The following SLC14A2 variants were observed in gnomAD, a reference collection of about 807,000 sequenced individuals.
The protein encoded by SLC14A2 is solute carrier family 14 member 2, also known as urea transporter 2.
A neutral mutation model predicts 104.6 loss-of-function variants in SLC14A2; 91 were observed. That is an observed-to-expected ratio of 0.87 (90% confidence interval 0.73 to 1.04). SLC14A2 has a LOEUF of 1.04. SLC14A2 is among the 50% of genes least tolerant of loss of function. SLC14A2 has a pLI of 0.00. For missense variants in SLC14A2, 1,189 were observed against 1,156.0 expected (o/e 1.03, Z -0.41); for synonymous variants, 476 against 466.4 (o/e 1.02, Z -0.27).
At chr18:45,299,447 G>GTTTTGT (rs765193369) in intron 1 of SLC14A2, among the ~76,000 whole-genome samples, 1 of 152,014 alleles carries the variant, frequency 6.6e-6, no homozygotes, top group African/African-American at 2.4e-5. Flanking sequence ...CTCTTTATCG[G>GTTTTGT]TTTTGTTTTT....
intron 1 of SLC14A2, among the ~76,000 whole-genome samples, chr18:45,476,529 C>T (rs2087383703): frequency 6.6e-6 from 1 of 152,106 alleles, no homozygotes; most frequent in Non-Finnish European, 1.5e-5. Context: ...GTTGGCCTGC[C>T]TTGCGAGGCT....
chr18:45,207,147 G>C, the SLC14A2 span, among the ~76,000 whole-genome samples: 1 of 152,236 alleles, frequency 6.6e-6, no homozygotes, highest in South Asian at 2.1e-4. Flanking sequence ...GTGAGGCTTT[G>C]CAAGCATTTT....
chr18:45,453,117 A>G (rs2852311), intron 1 of SLC14A2, among the ~76,000 whole-genome samples: 130,345 of 152,168 alleles, frequency 0.86, 55,882 homozygotes, highest in South Asian at 0.93. Flanking sequence ...CCTTGAGGAT[A>G]TCTTCTGCTT....
the SLC14A2 span, among the ~76,000 whole-genome samples, chr18:45,194,639 T>C: frequency 1.6e-5 from 2 of 124,950 alleles, no homozygotes; most frequent in Non-Finnish European, 3.3e-5. Context: ...GATATTGGTC[T>C]GTAATTTTTT....
chr18:45,336,618 C>T (rs971967137), intron 1 of SLC14A2, among the ~76,000 whole-genome samples: 5 of 152,154 alleles, frequency 3.3e-5, no homozygotes, highest in African/African-American at 1.2e-4. Context: ...AGGAAGAGTA[C>T]ATTCATAGAT....
intron 1 of SLC14A2, among the ~76,000 whole-genome samples, chr18:45,407,467 G>A (rs2086167598): frequency 6.6e-6 from 1 of 152,144 alleles, no homozygotes; most frequent in Non-Finnish European, 1.5e-5. Flanking sequence ...TCAGCAATAA[G>A]AATGTTTTGC....
chr18:45,255,654 C>T (rs1017665276), intron 1 of SLC14A2, among the ~76,000 whole-genome samples: 1 of 152,214 alleles, frequency 6.6e-6, no homozygotes. Context: ...TCCACAGTGG[C>T]ATGTGCTAGG....
chr18:45,641,842 A>T (rs935931503), intron 8 of SLC14A2, among the ~76,000 whole-genome samples: 1 of 152,236 alleles, frequency 6.6e-6, no homozygotes, highest in African/African-American at 2.4e-5. Context: ...TAAAAATCAT[A>T]ACCACATTAT....
chr18:45,301,476 G>C (rs1294774786), intron 1 of SLC14A2, among the ~76,000 whole-genome samples: 1 of 152,166 alleles, frequency 6.6e-6, no homozygotes, highest in Non-Finnish European at 1.5e-5. Flanking sequence ...ACAGAACCAT[G>C]TCAGGCCTGT....
At chr18:45,604,020 T>C (rs552076057) in intron 2 of SLC14A2, among the ~76,000 whole-genome samples, 1 of 152,360 alleles carries the variant, frequency 6.6e-6, no homozygotes, top group African/African-American at 2.4e-5. Context: ...AAATTTTCCA[T>C]TGGTCAGATT....
At chr18:45,353,521 A>G (rs1457510287) in intron 1 of SLC14A2, among the ~76,000 whole-genome samples, 1 of 152,236 alleles carries the variant, frequency 6.6e-6, no homozygotes, top group African/African-American at 2.4e-5. Flanking sequence ...GGTATAGCAC[A>G]GTTCTCCTGA....
At chr18:45,678,106 G>A (rs997154135) in intron 18 of SLC14A2, among the ~76,000 whole-genome samples, 12 of 151,982 alleles carry the variant, frequency 7.9e-5, no homozygotes, top group African/African-American at 2.2e-4. Flanking sequence ...GACGTGAGCC[G>A]CCACTCCCAG....
intron 4 of SLC14A2, among the ~76,000 whole-genome samples, chr18:45,628,832 A>G (rs2045302153): frequency 6.6e-6 from 1 of 152,224 alleles, no homozygotes; most frequent in African/African-American, 2.4e-5. Flanking sequence ...GTCATAATAT[A>G]AAATGCATTT....
chr18:45,175,927 C>G, the SLC14A2 span, among the ~76,000 whole-genome samples: 2 of 152,108 alleles, frequency 1.3e-5, no homozygotes, highest in Non-Finnish European at 2.9e-5. Flanking sequence ...AGTATCTGGT[C>G]AAATAAATAA....
intron 1 of SLC14A2, among the ~76,000 whole-genome samples, chr18:45,329,141 G>C (rs1172051436): frequency 6.6e-6 from 1 of 152,198 alleles, no homozygotes; most frequent in Admixed American, 6.5e-5. Flanking sequence ...TGTTTATTTT[G>C]TTACGGTTAT....
intron 1 of SLC14A2, among the ~76,000 whole-genome samples, chr18:45,375,858 C>T (rs1255893772): frequency 1.3e-5 from 2 of 152,182 alleles, no homozygotes; most frequent in Admixed American, 1.3e-4. Flanking sequence ...TCATCATGCT[C>T]CTTCTCCCCT....
chr18:45,515,155 T>C (rs1233796192), intron 2 of SLC14A2, among the ~76,000 whole-genome samples: 1 of 152,142 alleles, frequency 6.6e-6, no homozygotes, highest in Non-Finnish European at 1.5e-5. Context: ...ACTAAGTAGT[T>C]TGTGGATAAA....
chr18:45,301,825 CAG>C (rs1467977577), intron 1 of SLC14A2, among the ~76,000 whole-genome samples: 1 of 152,208 alleles, frequency 6.6e-6, no homozygotes, highest in African/African-American at 2.4e-5. Flanking sequence ...TTGTCCCAAC[CAG>C]TCTGGCCCAT....
chr18:45,619,785 CA>C (rs1430552036), intron 1 of SLC14A2, among the ~76,000 whole-genome samples: 1 of 152,186 alleles, frequency 6.6e-6, no homozygotes, highest in Non-Finnish European at 1.5e-5. Flanking sequence ...TTCCGTTTCA[CA>C]CCAGCCAGCT....
Sources: gnomAD v4.1 joint callset for allele counts (sites outside exome capture counted in the v4.1 genomes callset) on GRCh38, gnomAD v4.1.1 for gene constraint, MANE v1.5 for transcripts, NCBI Gene and HGNC (gene_info 2026-07-23, HGNC 2026-07-21) for gene names.